The following CELF2 variants were observed in gnomAD, a reference collection of about 807,000 sequenced individuals.
CELF2 encodes the protein CUG triplet repeat RNA-binding protein 2.
A neutral mutation model predicts 62.6 loss-of-function variants in CELF2; 8 were observed. That is an observed-to-expected ratio of 0.13 (90% CI 0.07 to 0.23). The LOEUF is 0.23. Among genes scored for constraint, CELF2 ranks in the 10% least tolerant of loss-of-function variants. CELF2 has a pLI of 1.00. For missense variants in CELF2, 333 were observed against 671.0 expected, an observed-to-expected ratio of 0.50 and a Z score of 5.56; for synonymous variants, 258 against 250.0, an observed-to-expected ratio of 1.03 and a Z score of -0.30.
chr10:10,594,936 A>G, the CELF2 span, among the ~76,000 whole-genome samples: 2 of 152,180 alleles, frequency 1.3e-5, no homozygotes, highest in African/African-American at 2.4e-5. Flanking sequence ...TCTCCTTAGA[A>G]GAGGTCAGAA....
the CELF2 span, among the ~76,000 whole-genome samples, chr10:10,780,261 A>T: frequency 2.6e-5 from 4 of 152,166 alleles, no homozygotes; most frequent in African/African-American, 4.8e-5. Context: ...AGAGCTTCCC[A>T]ATCTCCCCTA....
At chr10:11,263,337 A>G (rs192419082) in intron 5 of CELF2, among the ~76,000 whole-genome samples, 2 of 152,182 alleles carry the variant, frequency 1.3e-5, no homozygotes, top group South Asian at 2.1e-4. Context: ...TTTTGCTGCT[A>G]TATATGTGGA....
chr10:11,109,526 G>A (rs2054549312), intron 1 of CELF2, among the ~76,000 whole-genome samples: 1 of 152,194 alleles, frequency 6.6e-6, no homozygotes, highest in Non-Finnish European at 1.5e-5. Context: ...GAATCTGAAA[G>A]TTAAAGAGAG....
At chr10:11,279,843 A>G (rs2087658361) in intron 8 of CELF2, among the ~76,000 whole-genome samples, 1 of 152,160 alleles carries the variant, frequency 6.6e-6, no homozygotes, top group African/African-American at 2.4e-5. Flanking sequence ...GTATTGAATG[A>G]AAGTTGAATC....
At chr10:10,686,054 G>A in the CELF2 span, among the ~76,000 whole-genome samples, 2 of 152,200 alleles carry the variant, frequency 1.3e-5, no homozygotes, top group African/African-American at 4.8e-5. Flanking sequence ...GGACCGTGCT[G>A]CTTAATGTGA....
chr10:11,006,703 G>A (rs149161228), intron 1 of CELF2, among the ~76,000 whole-genome samples: 1 of 152,302 alleles, frequency 6.6e-6, no homozygotes, highest in African/African-American at 2.4e-5. Flanking sequence ...AAGGACAAGT[G>A]AGAACTTTTG....
In CELF2 at chr10:11,242,649, T is replaced by C. The variant is rs1012651644; in HGVS notation, c.355-6504T>C. ...GCTTTGCTCCAAAGTCGTACTCTCA[T>C]TTTCATTTTCATGAGTCACAGCTGG... On this transcript the variant is annotated intron_variant, in intron 3 of 12. Coordinates refer to ENST00000633077, the MANE Select transcript of CELF2 (RefSeq NM_001326342.2). This position sits in a 1 kb window ranked among gnomAD's most constrained non-coding sequence, Gnocchi z 4.8. Among the ~76,000 whole-genome samples, 1 of 152,124 alleles carries C rather than the reference T, an allele frequency of 6.6e-6. No homozygotes were observed. Among genetic ancestry groups the C allele is most frequent in the African/African-American group, 2.4e-5 (1 of 41,390 alleles).
intron 9 of CELF2, among the ~76,000 whole-genome samples, chr10:11,294,702 G>C (rs2092948586): frequency 6.6e-6 from 1 of 151,956 alleles, no homozygotes; most frequent in Admixed American, 6.6e-5. Context: ...CACGAGGTCA[G>C]GAGTTCAAGA....
At chr10:11,071,357 A>G (rs1041636031) in intron 1 of CELF2, among the ~76,000 whole-genome samples, 1 of 152,182 alleles carries the variant, frequency 6.6e-6, no homozygotes, top group Admixed American at 6.5e-5. Flanking sequence ...GGTTGGTTTC[A>G]TTACCTCCGT....
chr10:10,976,264 C>G (rs2051324873), intron 2 of CELF2, among the ~76,000 whole-genome samples: 1 of 152,196 alleles, frequency 6.6e-6, no homozygotes, highest in African/African-American at 2.4e-5. Flanking sequence ...TCCAATTCTG[C>G]AGATCAGGAA....
intron 2 of CELF2, among the ~76,000 whole-genome samples, chr10:10,991,256 T>G (rs2053407120): frequency 6.6e-6 from 1 of 152,192 alleles, no homozygotes; most frequent in Non-Finnish European, 1.5e-5. Flanking sequence ...GTGCTGTTTG[T>G]TCAAGGTAAG....
At chr10:11,218,756 T>C (rs1005583818) in intron 3 of CELF2, among the ~76,000 whole-genome samples, 2 of 152,262 alleles carry the variant, frequency 1.3e-5, no homozygotes, top group Admixed American at 6.5e-5. Context: ...TGGTTCTTAG[T>C]AAAGCTGTTT....
chr10:10,691,018 T>A, the CELF2 span, among the ~76,000 whole-genome samples: 1,391 of 152,310 alleles, frequency 9.1e-3, 23 homozygotes, highest in African/African-American at 0.032. Context: ...TTTTTTTTAT[T>A]ATTATACTTT....
the CELF2 span, among the ~76,000 whole-genome samples, chr10:10,736,604 T>G: frequency 2.6e-5 from 4 of 152,102 alleles, no homozygotes; most frequent in Admixed American, 6.6e-5. Flanking sequence ...CTTGCTTGTT[T>G]GCTTGCTGGG....
chr10:10,808,558 A>AAAT (rs1211412390), intron 1 of CELF2, among the ~76,000 whole-genome samples: 1 of 152,196 alleles, frequency 6.6e-6, no homozygotes, highest in Non-Finnish European at 1.5e-5. Context: ...TTACTTGACA[A>AAAT]AATAGGATCA....
chr10:10,554,738 C>G, the CELF2 span, among the ~76,000 whole-genome samples: 1 of 152,164 alleles, frequency 6.6e-6, no homozygotes, highest in African/African-American at 2.4e-5. Flanking sequence ...ATATTTCCCT[C>G]AATTAAGTTC....
At chr10:10,491,614 G>C in the CELF2 span, among the ~76,000 whole-genome samples, 1 of 152,148 alleles carries the variant, frequency 6.6e-6, no homozygotes, top group African/African-American at 2.4e-5. Context: ...TCATGATGGA[G>C]CATTCATGAA....
rs959587671 is a variant in CELF2, at chr10:11,227,355, A to C, written c.354+9848A>C. Among the ~76,000 whole-genome samples, 1 of 152,236 alleles carries C rather than the reference A, an allele frequency of 6.6e-6. No individual in the cohort carries two copies. The highest frequency in any genetic ancestry group is 2.4e-5 in the African/African-American group (1 of 41,460). On this transcript the variant is annotated intron_variant, in intron 3 of 12. Coordinates refer to ENST00000633077, the MANE Select transcript of CELF2 (RefSeq NM_001326342.2). The surrounding 1 kb of genome is among the most constrained non-coding windows in gnomAD (Gnocchi z 4.8). ...ACCACAAACCAGGGCACTGAGAGGTAGAACCAGGCAGCCCACGCCACAGAT... is the reference window on the plus strand; with the variant it reads ...ACCACAAACCAGGGCACTGAGAGGTCGAACCAGGCAGCCCACGCCACAGAT...
In CELF2 at chr10:11,191,139, G is replaced by A. The variant is rs1803102865; in HGVS notation, c.271+25457G>A. ...AATCTGTTTTCTTGTCTGTAAATGG[G>A]GCCTGATGTATTGAAAGGCACCTGG... On this transcript the variant is annotated intron_variant, in intron 2 of 12. Coordinates refer to ENST00000633077, the MANE Select transcript of CELF2 (RefSeq NM_001326342.2). The surrounding 1 kb of genome is among the most constrained non-coding windows in gnomAD (Gnocchi z 4.1). Among the ~76,000 whole-genome samples the A allele has an allele frequency of 6.6e-6, 1 of 152,118 alleles. No individual in the cohort carries two copies. Among genetic ancestry groups the A allele is most frequent in the Admixed American group, 6.5e-5 (1 of 15,278 alleles).
Sources: allele counts gnomAD v4.1 joint callset (sites outside exome capture counted in the v4.1 genomes callset), GRCh38; gene constraint gnomAD v4.1.1; non-coding constraint Gnocchi (gnomAD v3.1); transcripts MANE v1.5; gene names NCBI Gene and HGNC (gene_info 2026-07-23, HGNC 2026-07-21).